Variants in PPP1CB observed in about 807,000 individuals in gnomAD.
PPP1CB encodes the protein serine/threonine-protein phosphatase PP1-beta catalytic subunit.
Under a neutral mutation model 43.7 loss-of-function variants are expected in PPP1CB, and 2 were observed. That is an observed-to-expected ratio of 0.05 (90% CI 0.02 to 0.14). PPP1CB has a LOEUF of 0.14. PPP1CB is among the 10% of genes least tolerant of loss of function. PPP1CB has a pLI of 1.00. For synonymous variants in PPP1CB, 136 were observed against 135.6 expected (o/e 1.00, Z -0.02); for missense variants, 84 against 398.0 (o/e 0.21, Z 6.71).
At chr2:28,791,114 C>G (rs1174695905) in intron 6 of PPP1CB, among the ~76,000 whole-genome samples, 3 of 152,138 alleles carry the variant, frequency 2.0e-5, no homozygotes, top group African/African-American at 7.2e-5. Flanking sequence ...TATGCTGTCC[C>G]ACAGTACTTC....
chr2:28,799,097 A>G, intron 7 of PPP1CB, 102 bp from the exon 8 acceptor site: 2 of 762,816 alleles, frequency 2.6e-6, no homozygotes, highest in South Asian at 1.8e-5. Context: ...TTTTTATTGC[A>G]TTTTTGCAGT....
chr2:28,777,069 A>G (rs1407919939), intron 2 of PPP1CB, 87 bp downstream of exon 2: 9 of 1,441,074 alleles, frequency 6.2e-6, no homozygotes, highest in East Asian at 2.3e-5. Flanking sequence ...ATTTTTTGAA[A>G]TTTTTGTATA....
rs769237292 is a variant in PPP1CB, at chr2:28,794,011, A to T, written c.879+14A>T. ...TGTTCATTTCAGGTATGATGTAAAC[A>T]TAAATATATAAGAACTAGAAATCTA... On this transcript the variant is annotated intron_variant, in intron 7 of 7. Transcript: ENST00000395366. 6.3e-7 allele frequency: 1 copy of T among 1,583,004 alleles called. No individual in the cohort carries two copies. Among genetic ancestry groups the T allele is most frequent in the Non-Finnish European group, 8.6e-7 (1 of 1,158,314 alleles).
At chr2:28,779,173 T>A in intron 3 of PPP1CB, 134 bp downstream of exon 3, 1 of 614,716 alleles carries the variant, frequency 1.6e-6, no homozygotes, top group Non-Finnish European at 2.7e-6. Flanking sequence ...AAGAGGAACC[T>A]GAAACTGGGA....
At chr2:28,770,518 T>C (rs1305895881) in intron 1 of PPP1CB, among the ~76,000 whole-genome samples, 1 of 151,992 alleles carries the variant, frequency 6.6e-6, no homozygotes, top group Non-Finnish European at 1.5e-5. Context: ...CATTATATAA[T>C]GCTAAAAGGA....
At chr2:28,773,973 A>T (rs1021566839) in intron 1 of PPP1CB, among the ~76,000 whole-genome samples, 2 of 152,168 alleles carry the variant, frequency 1.3e-5, no homozygotes, top group African/African-American at 4.8e-5. Context: ...AACTTCAGAG[A>T]TATTAGTTAA....
chr2:28,769,033 TAGAG>T (rs575078933), intron 1 of PPP1CB, among the ~76,000 whole-genome samples: 31 of 152,124 alleles, frequency 2.0e-4, no homozygotes, highest in African/African-American at 7.2e-4. Context: ...GCAGGGTAAA[TAGAG>T]AGAAAACCAT....
intron 3 of PPP1CB, among the ~76,000 whole-genome samples, chr2:28,779,716 T>C (rs1289457454): frequency 1.3e-5 from 2 of 152,240 alleles, no homozygotes; most frequent in African/African-American, 2.4e-5. Flanking sequence ...TTTTTATTGC[T>C]GTCTTCCCTA....
chr2:28,777,637 T>C (rs756850627), intron 2 of PPP1CB, among the ~76,000 whole-genome samples: 70 of 152,082 alleles, frequency 4.6e-4, no homozygotes, highest in Non-Finnish European at 7.8e-4. Flanking sequence ...TAAGTAAATG[T>C]TTGTTTTTTG....
rs1318820959 is a variant in PPP1CB at position 28,801,044 on chromosome 2, G to A, written c.*1741G>A. The A allele has an allele frequency of 3.3e-5, 5 of 152,290 alleles. No individual in the cohort carries two copies. Among genetic ancestry groups the A allele is most frequent in the Non-Finnish European group, 7.4e-5 (5 of 67,902 alleles). The allele number at this position is 152,290 out of a possible 1,614,324, so 9.4% of individuals were successfully genotyped here. On this transcript the variant is annotated 3_prime_UTR_variant, in exon 8 of 8. Transcript: ENST00000395366. ...GTAAAAGTTGTCTAATTGATATGAA[G>A]CCTGACTGATTTTTTTTTTCCTTAC...
intron 7 of PPP1CB, 96 bp from the exon 8 acceptor site, chr2:28,799,103 G>C: frequency 1.3e-6 from 1 of 788,744 alleles, no homozygotes; most frequent in Non-Finnish European, 2.1e-6. Context: ...TTGCATTTTT[G>C]CAGTTTATGC....
chr2:28,759,996 AG>A (rs1389300438), intron 1 of PPP1CB, among the ~76,000 whole-genome samples: 3 of 152,158 alleles, frequency 2.0e-5, no homozygotes, highest in Non-Finnish European at 4.4e-5. Flanking sequence ...CAGGAAAAAA[AG>A]CTTCGTTATC....
chr2:28,800,226 C>CTTTCTTTCTTT lies in PPP1CB; in HGVS notation c.*926_*927insCTTTCTTTTTT, dbSNP rs1553312779. The CTTTCTTTCTTT allele has an allele frequency of 1.5e-5, 1 of 65,626 alleles. No individual in the cohort carries two copies. The highest frequency in any genetic ancestry group is 2.7e-5 in the Non-Finnish European group (1 of 36,886). The allele number at this position is 65,626 out of a possible 1,614,324, so 4.1% of individuals were successfully genotyped here. A position where few individuals can be genotyped will look rare whatever the true frequency, so the allele number is the denominator to read the frequency against. On this transcript the variant is annotated 3_prime_UTR_variant, in exon 8 of 8. Coordinates refer to ENST00000395366, the MANE Select transcript of PPP1CB (RefSeq NM_002709.3). ...TTGGTTTTCTTTTTCTTTTTTCTTT[C>CTTTCTTTCTTT]TTTTTTTTTTTTTTTTTTTTTTTGA...
chr2:28,770,189 G>C (rs984996784), intron 1 of PPP1CB, among the ~76,000 whole-genome samples: 1 of 152,090 alleles, frequency 6.6e-6, no homozygotes, highest in African/African-American at 2.4e-5. Flanking sequence ...CTTGAATCTG[G>C]GAGGCAAAGG....
At chr2:28,776,265 G>GTTTT (rs111463886) in intron 1 of PPP1CB, among the ~76,000 whole-genome samples, 6 of 146,622 alleles carry the variant, frequency 4.1e-5, no homozygotes, top group Admixed American at 2.1e-4. Flanking sequence ...CTGTTTGTTT[G>GTTTT]TTTTTTTTTT....
chr2:28,771,498 T>C (rs1666913289), intron 1 of PPP1CB, among the ~76,000 whole-genome samples: 1 of 152,102 alleles, frequency 6.6e-6, no homozygotes, highest in South Asian at 2.1e-4. Flanking sequence ...TAAAAAGCCA[T>C]AGTAATTAAG....
chr2:28,752,602 C>T (rs185319082), intron 1 of PPP1CB, among the ~76,000 whole-genome samples: 1 of 152,258 alleles, frequency 6.6e-6, no homozygotes, highest in East Asian at 1.9e-4. Flanking sequence ...TTGTGCATTG[C>T]CCTTGGCTGC....
intron 1 of PPP1CB, among the ~76,000 whole-genome samples, chr2:28,763,768 C>A (rs1259460184): frequency 2.0e-5 from 3 of 152,064 alleles, no homozygotes; most frequent in African/African-American, 7.2e-5. Flanking sequence ...GCAGTGGCAC[C>A]ATCTCAGCTC....
At chr2:28,757,599 T>G (rs945006816) in intron 1 of PPP1CB, among the ~76,000 whole-genome samples, 1 of 152,188 alleles carries the variant, frequency 6.6e-6, no homozygotes, top group Non-Finnish European at 1.5e-5. Context: ...GCAGCTAGAC[T>G]TGTTAGAAAA....
Sources: allele counts gnomAD v4.1 joint callset (sites outside exome capture counted in the v4.1 genomes callset), GRCh38; gene constraint gnomAD v4.1.1; transcripts MANE v1.5; gene names NCBI Gene and HGNC (gene_info 2026-07-23, HGNC 2026-07-21).